AHCYL1: variants seen among roughly 807,000 people sequenced by gnomAD.
The protein encoded by AHCYL1 is adenosylhomocysteinase like 1.
A neutral mutation model predicts 79.3 loss-of-function variants in AHCYL1; 20 were observed. That is an observed-to-expected ratio of 0.25 (90% CI 0.18 to 0.37). The LOEUF (loss-of-function observed/expected upper bound fraction) is 0.37, where lower values mean the gene tolerates loss of function less well. AHCYL1 is among the 10% of genes least tolerant of loss of function. The pLI is 1.00. For synonymous variants in AHCYL1, 223 were observed against 242.2 expected, an observed-to-expected ratio of 0.92 and a Z score of 0.74; for missense variants, 330 against 673.6, an observed-to-expected ratio of 0.49 and a Z score of 5.65.
At chr1:109,997,038 G>A (rs1650068910) in intron 1 of AHCYL1, among the ~76,000 whole-genome samples, 1 of 152,176 alleles carries the variant, frequency 6.6e-6, no homozygotes, top group Non-Finnish European at 1.5e-5. Context: ...AACAACTCAA[G>A]GATATCACTA....
chr1:109,994,681 G>A (rs899634452), intron 1 of AHCYL1, among the ~76,000 whole-genome samples: 3 of 152,172 alleles, frequency 2.0e-5, no homozygotes, highest in African/African-American at 7.2e-5. Flanking sequence ...CTTATGGGTG[G>A]CCAGGTGGTA....
chr1:110,008,521 T>C (rs1207907828), intron 1 of AHCYL1, among the ~76,000 whole-genome samples: 1 of 152,128 alleles, frequency 6.6e-6, no homozygotes, highest in Non-Finnish European at 1.5e-5. Flanking sequence ...GGGCTCTGAG[T>C]ATTGGCACCC....
At chr1:109,995,653 T>G in intron 1 of AHCYL1, 1 of 985,412 alleles carries the variant, frequency 1.0e-6, no homozygotes, top group Non-Finnish European at 1.2e-6. Flanking sequence ...CAGATCCTGC[T>G]TAGATTATTT....
intron 12 of AHCYL1, 23 bp downstream of exon 12, chr1:110,018,490 C>A: frequency 6.2e-7 from 1 of 1,613,596 alleles, no homozygotes. Context: ...TCATTTGTTG[C>A]TAGGCATTTC....
At chr1:110,013,413 A>AT (rs1485672811) in intron 5 of AHCYL1, among the ~76,000 whole-genome samples, 2 of 152,218 alleles carry the variant, frequency 1.3e-5, no homozygotes, top group African/African-American at 2.4e-5. Flanking sequence ...ACGTAAAATA[A>AT]TTTTTTATTA....
intron 2 of AHCYL1, 148 bp from the exon 3 acceptor site, chr1:110,011,066 A>T: frequency 1.0e-6 from 1 of 967,282 alleles, no homozygotes; most frequent in Non-Finnish European, 1.5e-6. Context: ...ATTAGAACCT[A>T]GAGGAGCAGA....
intron 1 of AHCYL1, chr1:110,000,859 C>A: frequency 2.8e-6 from 2 of 720,926 alleles, no homozygotes; most frequent in Non-Finnish European, 3.4e-6. Flanking sequence ...AGCATAGATG[C>A]AACATTGAAA....
chr1:110,017,084 A>C (rs896854548), intron 9 of AHCYL1, among the ~76,000 whole-genome samples: 2 of 152,214 alleles, frequency 1.3e-5, no homozygotes, highest in Non-Finnish European at 2.9e-5. Context: ...CATATAGTTG[A>C]ATATCTCCAA....
intron 1 of AHCYL1, among the ~76,000 whole-genome samples, chr1:109,991,375 G>A (rs10857808): frequency 0.11 from 16,944 of 152,212 alleles, 2,870 homozygotes; most frequent in African/African-American, 0.36. Context: ...CGCCTCCGCT[G>A]ATGTGCCTGT....
At chr1:110,000,606 T>C (rs1384815820) in intron 1 of AHCYL1, among the ~76,000 whole-genome samples, 1 of 152,166 alleles carries the variant, frequency 6.6e-6, no homozygotes, top group African/African-American at 2.4e-5. Flanking sequence ...TGTTATAAGC[T>C]CAGAAAGCTT....
chr1:110,021,258 C>CA (rs908583568), intron 16 of AHCYL1, among the ~76,000 whole-genome samples: 6 of 152,074 alleles, frequency 3.9e-5, no homozygotes, highest in South Asian at 4.2e-4. Flanking sequence ...AACAAACAAA[C>CA]AAAAAAACTG....
At chr1:109,988,564 A>G (rs1487943083) in intron 1 of AHCYL1, among the ~76,000 whole-genome samples, 1 of 152,134 alleles carries the variant, frequency 6.6e-6, no homozygotes, top group African/African-American at 2.4e-5. Context: ...TTCTTTTTTC[A>G]TAGTGTAAAC....
intron 2 of AHCYL1, among the ~76,000 whole-genome samples, chr1:110,010,257 A>G (rs554711295): frequency 6.6e-6 from 1 of 152,236 alleles, no homozygotes; most frequent in African/African-American, 2.4e-5. Flanking sequence ...ATATGGTTAA[A>G]ATGTCATAGT....
intron 13 of AHCYL1, 59 bp from the exon 14 acceptor site, chr1:110,018,992 T>C: frequency 6.5e-7 from 1 of 1,541,546 alleles, no homozygotes; most frequent in South Asian, 1.1e-5. Context: ...TTGGCTTGAC[T>C]TGTATGCCAT....
intron 15 of AHCYL1, 92 bp downstream of exon 15, chr1:110,019,718 C>T: frequency 4.8e-6 from 6 of 1,246,582 alleles, no homozygotes; most frequent in Non-Finnish European, 6.8e-6. Context: ...GTCAGAGTTC[C>T]AATTCCTGTT....
chr1:110,009,833 A>T (rs1194114679), intron 2 of AHCYL1, among the ~76,000 whole-genome samples: 1 of 152,252 alleles, frequency 6.6e-6, no homozygotes, highest in African/African-American at 2.4e-5. Context: ...GCAGATGAAT[A>T]CAGGAGAAAA....
chr1:110,018,111 GTATAA>G, intron 11 of AHCYL1, 95 bp downstream of exon 11: 1 of 1,338,512 alleles, frequency 7.5e-7, no homozygotes, highest in Non-Finnish European at 1.1e-6. Context: ...CCTCTGTTCA[GTATAA>G]AGGTCTCAGA....
chr1:110,018,684 C>T (rs1401119370), intron 13 of AHCYL1, 34 bp downstream of exon 13: 4 of 1,561,706 alleles, frequency 2.6e-6, no homozygotes. Context: ...CAGAGCAGCA[C>T]AAGCAGAGTA....
chr1:109,984,837 T>G lies in AHCYL1; in HGVS notation c.-216T>G. ...TCGGAGCTCGGAGCTGCTGTTCTGG[T>G]TCTCTTGTGGCCGCCGTCGCTGTCC... On this transcript the variant is annotated 5_prime_UTR_variant, in exon 1 of 17. Coordinates refer to ENST00000369799, the MANE Select transcript of AHCYL1 (RefSeq NM_006621.7). 7 of 590,444 alleles carry G rather than the reference T, an allele frequency of 1.2e-5. No individual in the cohort carries two copies. Among genetic ancestry groups the G allele is most frequent in the Non-Finnish European group, 1.5e-5 (6 of 411,998 alleles). 36.6% of individuals were successfully genotyped at this position (590,444 alleles called of 1,614,324 possible).
Sources: gnomAD v4.1 joint callset for allele counts (sites outside exome capture counted in the v4.1 genomes callset) on GRCh38, gnomAD v4.1.1 for gene constraint, MANE v1.5 for transcripts, NCBI Gene and HGNC (gene_info 2026-07-23, HGNC 2026-07-21) for gene names.